LAMA2: variants seen among roughly 807,000 people sequenced by gnomAD.
The protein encoded by LAMA2 is laminin subunit alpha-2.
Under a neutral mutation model 364.8 loss-of-function variants are expected in LAMA2, and 269 were observed. The ratio of observed to expected loss-of-function variants is 0.74; its 90% CI spans 0.67 to 0.82. LAMA2 has a LOEUF of 0.82. Ranked by LOEUF, LAMA2 falls within the 40% of genes least tolerant of loss-of-function variation. The pLI, the probability that LAMA2 is intolerant of heterozygous loss-of-function variation, is 0.00. For synonymous variants in LAMA2, 1,379 were observed against 1,370.6 expected, an observed-to-expected ratio of 1.01 and a Z score of -0.14; for missense variants, 3,807 against 3,873.2, an observed-to-expected ratio of 0.98 and a Z score of 0.45.
intron 15 of LAMA2, among the ~76,000 whole-genome samples, chr6:129,261,737 CTA>C (rs902073084): frequency 2.5e-4 from 38 of 152,196 alleles, no homozygotes; most frequent in African/African-American, 8.7e-4. Flanking sequence ...ATGCATACAT[CTA>C]GAGATACGCA....
rs772341790 is a variant in LAMA2, at chr6:129,291,624, T to C, written c.2760T>C (p.Cys920=). The C allele has an allele frequency of 6.2e-7, 1 of 1,613,806 alleles. No homozygotes were observed. The highest frequency in any genetic ancestry group is 8.5e-7 in the Non-Finnish European group (1 of 1,179,654). The change falls in exon 20 of 65, where the codon TGT becomes TGC. Residue 920 remains cysteine (C), a synonymous_variant. Coordinates refer to ENST00000421865, the MANE Select transcript of LAMA2 (RefSeq NM_000426.4). Reference sequence around the variant, plus strand: ...CTCTTCTCTTTGCAGCCTGTCGCTGTAATGCCGGTGGCTCTTTCTCTGAGG... The same window carrying C: ...CTCTTCTCTTTGCAGCCTGTCGCTGCAATGCCGGTGGCTCTTTCTCTGAGG... The part of the protein sequence containing the change: ...VDAKNCQPCR[C]NAGGSFSEVC...
intron 1 of LAMA2, among the ~76,000 whole-genome samples, chr6:129,018,618 C>A (rs541730502): frequency 2.0e-5 from 3 of 151,308 alleles, no homozygotes; most frequent in South Asian, 4.2e-4. Flanking sequence ...AATAACACTT[C>A]TTGGCTATTT....
At chr6:129,052,977 A>G (rs1426129656) in intron 2 of LAMA2, among the ~76,000 whole-genome samples, 2 of 152,232 alleles carry the variant, frequency 1.3e-5, no homozygotes, top group African/African-American at 2.4e-5. Flanking sequence ...GGTCGTGTGT[A>G]TCACAGAATA....
intron 21 of LAMA2, 65 bp from the exon 22 acceptor site, chr6:129,300,671 C>T: frequency 1.3e-6 from 2 of 1,530,062 alleles, no homozygotes. Context: ...ATATAAAACT[C>T]AACACTTTGT....
At chr6:129,432,688 C>A (rs1203894102) in intron 41 of LAMA2, among the ~76,000 whole-genome samples, 1 of 152,154 alleles carries the variant, frequency 6.6e-6, no homozygotes, top group East Asian at 1.9e-4. Flanking sequence ...TATTCAAACT[C>A]AATTTTCTTG....
chr6:129,481,477 T>C (rs1784345186), intron 55 of LAMA2, 38 bp downstream of exon 55: 1 of 1,523,312 alleles, frequency 6.6e-7, no homozygotes, highest in African/African-American at 1.4e-5. Flanking sequence ...TTTTCCCTAA[T>C]GCTTATATAA....
intron 20 of LAMA2, chr6:129,292,830 C>T (rs1479976842): frequency 2.0e-6 from 2 of 985,742 alleles, no homozygotes; most frequent in African/African-American, 1.7e-5. Context: ...TCCAGAGAAG[C>T]GATTCTGTGT....
chr6:129,157,414 GAA>G, intron 8 of LAMA2: 2 of 1,341,846 alleles, frequency 1.5e-6, no homozygotes, highest in Non-Finnish European at 2.1e-6. Flanking sequence ...ACGTAGTGAA[GAA>G]AGAGTCTGAG....
intron 34 of LAMA2, among the ~76,000 whole-genome samples, chr6:129,370,663 A>C (rs1778018882): frequency 6.6e-6 from 1 of 152,242 alleles, no homozygotes; most frequent in Admixed American, 6.5e-5. Flanking sequence ...TAATTTGATT[A>C]TCTAAGAGCT....
At chr6:129,449,617 G>A (rs557168210) in intron 45 of LAMA2, among the ~76,000 whole-genome samples, 8 of 152,034 alleles carry the variant, frequency 5.3e-5, no homozygotes, top group African/African-American at 1.2e-4. Flanking sequence ...ATTAATTGCC[G>A]GCATATTGGG....
Position 129,358,818 on chromosome 6 carries a change from G to C in LAMA2, c.4717+5461G>C, listed in dbSNP as rs9483013. Among the ~76,000 whole-genome samples, 1,346 of 152,032 alleles carry C rather than the reference G, an allele frequency of 8.9e-3. 21 individuals are homozygous for C. The highest frequency in any genetic ancestry group is 0.031 in the African/African-American group (1,294 of 41,536). ...CCAAAGACCTGATGTTTTGTGCAACGCATCAGTTTCTGATGAAATATTTTC... is the reference window on the plus strand; with the variant it reads ...CCAAAGACCTGATGTTTTGTGCAACCCATCAGTTTCTGATGAAATATTTTC... On this transcript the variant is annotated intron_variant, in intron 32 of 64. Transcript: ENST00000421865.
intron 9 of LAMA2, among the ~76,000 whole-genome samples, chr6:129,175,682 G>A (rs1193671605): frequency 3.9e-5 from 6 of 151,998 alleles, no homozygotes; most frequent in African/African-American, 1.4e-4. Context: ...CACATGCCAG[G>A]GCCTGTCAGT....
chr6:129,417,451 G>T (rs1212088308), intron 40 of LAMA2, among the ~76,000 whole-genome samples: 1 of 152,084 alleles, frequency 6.6e-6, no homozygotes, highest in Non-Finnish European at 1.5e-5. Context: ...AGGGGAGGAA[G>T]TGTATGCTGA....
At chr6:129,388,728 CAT>C (rs1304235860) in intron 35 of LAMA2, among the ~76,000 whole-genome samples, 1 of 152,024 alleles carries the variant, frequency 6.6e-6, no homozygotes, top group African/African-American at 2.4e-5. Flanking sequence ...AAAGAAAAAA[CAT>C]ACAGCTTTAG....
At chr6:129,344,531 T>A (rs914138269) in intron 30 of LAMA2, among the ~76,000 whole-genome samples, 1 of 152,166 alleles carries the variant, frequency 6.6e-6, no homozygotes, top group Non-Finnish European at 1.5e-5. Context: ...AATGGAAATA[T>A]GCAAATAGCT....
intron 4 of LAMA2, among the ~76,000 whole-genome samples, chr6:129,119,018 G>A (rs1184129294): frequency 6.6e-6 from 1 of 152,202 alleles, no homozygotes; most frequent in Non-Finnish European, 1.5e-5. Context: ...TATGAGAATT[G>A]TTTTGGGATC....
intron 4 of LAMA2, among the ~76,000 whole-genome samples, chr6:129,119,414 T>C (rs906558934): frequency 6.6e-5 from 10 of 152,108 alleles, no homozygotes; most frequent in East Asian, 1.9e-4. Flanking sequence ...TTATAAGCAA[T>C]GTTGTAATGA....
intron 4 of LAMA2, among the ~76,000 whole-genome samples, chr6:129,125,760 C>T (rs967885203): frequency 6.6e-6 from 1 of 152,006 alleles, no homozygotes; most frequent in African/African-American, 2.4e-5. Flanking sequence ...TGGTGTATTG[C>T]AGATTTTAAA....
intron 40 of LAMA2, among the ~76,000 whole-genome samples, chr6:129,404,388 A>G (rs535964659): frequency 1.3e-5 from 2 of 152,310 alleles, no homozygotes; most frequent in Admixed American, 1.3e-4. Context: ...ACTGGATCAT[A>G]TGCTTCTAAA....
Sources: gnomAD v4.1 joint callset for allele counts (sites outside exome capture counted in the v4.1 genomes callset) on GRCh38, gnomAD v4.1.1 for gene constraint, MANE v1.5 for transcripts, NCBI Gene and HGNC (gene_info 2026-07-23, HGNC 2026-07-21) for gene names.